DAXX: variants seen among roughly 807,000 people sequenced by gnomAD.
DAXX encodes death domain-associated protein 6.
A neutral mutation model predicts 61.9 loss-of-function variants in DAXX; 24 were observed. The ratio of observed to expected loss-of-function variants is 0.39; its 90% CI spans 0.28 to 0.55. The LOEUF (loss-of-function observed/expected upper bound fraction) is 0.55, where lower values mean the gene tolerates loss of function less well. Among genes scored for constraint, DAXX ranks in the 20% least tolerant of loss-of-function variants. DAXX has a pLI of 0.69. For synonymous variants in DAXX, 357 were observed against 369.5 expected, an observed-to-expected ratio of 0.97 and a Z score of 0.39; for missense variants, 819 against 935.3, an observed-to-expected ratio of 0.88 and a Z score of 1.62.
At chr6:33,322,822 C>G in intron 1 of DAXX, 40 bp downstream of exon 1, 4 of 995,460 alleles carry the variant, frequency 4.0e-6, no homozygotes, top group Non-Finnish European at 6.0e-6. Flanking sequence ...CCTCTATATC[C>G]CCGCCCCCGC....
In DAXX at chr6:33,318,638, C is replaced by A. The variant is rs1224326878; in HGVS notation, c.*105G>T. ...TTTTTTTTTTTTTAAAGAAACACCACCAAAAGGGGATTAGCTTAGTCCATC... is the reference window on the plus strand; with the variant it reads ...TTTTTTTTTTTTTAAAGAAACACCAACAAAAGGGGATTAGCTTAGTCCATC... On this transcript the variant is annotated 3_prime_UTR_variant, in exon 8 of 8. Coordinates refer to ENST00000374542, the MANE Select transcript of DAXX (RefSeq NM_001141969.2). The A allele has an allele frequency of 4.2e-6, 2 of 477,402 alleles. No homozygotes were observed. Among genetic ancestry groups the A allele is most frequent in the South Asian group, 5.4e-5 (1 of 18,412 alleles). The allele number at this position is 477,402 out of a possible 1,614,324, so 29.6% of individuals were successfully genotyped here.
chr6:33,319,899 G>GA (rs758034267), intron 5 of DAXX, 45 bp from the exon 6 acceptor site: 4 of 1,593,138 alleles, frequency 2.5e-6, no homozygotes, highest in East Asian at 4.5e-5. Flanking sequence ...GAATGAGGGG[G>GA]AAAAAATACT....
chr6:33,322,678 G>C, intron 1 of DAXX, 184 bp downstream of exon 1: 1 of 368,724 alleles, frequency 2.7e-6, no homozygotes, highest in Non-Finnish European at 5.3e-6. Context: ...GGGTCCGGCC[G>C]GTCCGCTAGA....
intron 1 of DAXX, among the ~76,000 whole-genome samples, chr6:33,322,390 C>A (rs1162859593): frequency 6.6e-6 from 1 of 152,034 alleles, no homozygotes; most frequent in Non-Finnish European, 1.5e-5. Flanking sequence ...AACCCCACAC[C>A]CACCCTATCC....
In DAXX at chr6:33,320,889, C is replaced by T. The variant is rs2150994549; in HGVS notation, c.886G>A (p.Ala296Thr). The T allele has an allele frequency of 6.2e-7, 1 of 1,614,202 alleles. No homozygotes were observed. Among genetic ancestry groups the T allele is most frequent in the Non-Finnish European group, 8.5e-7 (1 of 1,180,012 alleles). ...YGDVLRAVEK[A>T]AARHSLGLPR... ...AGGCCAAGGCTGTGTCGGGCAGCTG[C>T]CTTCTCTACAGCCCGAAGCACATCC... is the stretch of plus-strand genomic sequence containing the variant. The change falls in exon 3 of 8, where the codon GCA (alanine) becomes ACA (threonine). Residue 296 changes from alanine (A) to threonine (T), a missense_variant. Ala to Thr is a moderately conservative substitution (Grantham distance 58). Coordinates refer to ENST00000374542, the MANE Select transcript of DAXX (RefSeq NM_001141969.2). The surrounding 1 kb of genome is among the most constrained non-coding windows in gnomAD (Gnocchi z 7.1).
At position 33,321,753 on chromosome 6, in the gene DAXX, C is replaced by T. The variant is rs780458669; in HGVS notation, c.173G>A (p.Cys58Tyr). Reference protein sequence around the residue: ...RGSSSSGGKKCYKLENEKLFE... With the variant: ...RGSSSSGGKKYYKLENEKLFE... ...CAGCTTCTCATTCTCCAGCTTGTAG[C>T]ATTTCTTGCCGCCCGAACTACTGCT... Residue 58 changes from cysteine (C) to tyrosine (Y), a missense_variant, in exon 2 of 8, where the codon TGC (cysteine) becomes TAC (tyrosine). Coordinates refer to ENST00000374542, the MANE Select transcript of DAXX (RefSeq NM_001141969.2). This position sits in a 1 kb window ranked among gnomAD's most constrained non-coding sequence, Gnocchi z 7.2. The T allele has an allele frequency of 6.2e-7, 1 of 1,613,452 alleles. No homozygotes were observed. The highest frequency in any genetic ancestry group is 8.5e-7 in the Non-Finnish European group (1 of 1,179,870).
At position 33,321,430 on chromosome 6, in the gene DAXX, C is replaced by G. The variant is rs1770601179; in HGVS notation, c.345G>C (p.Arg115=). 1 of 1,613,834 alleles carries G rather than the reference C, an allele frequency of 6.2e-7. No individual in the cohort carries two copies. The change falls in exon 3 of 8, where the codon CGG becomes CGC. Residue 115 remains arginine, a synonymous_variant. Coordinates refer to ENST00000374542, the MANE Select transcript of DAXX (RefSeq NM_001141969.2). The surrounding 1 kb of genome is among the most constrained non-coding windows in gnomAD (Gnocchi z 7.2). ...FCNILSRVLS[R]ARSRPAKLYV... ...AGAGCTTGGCTGGCCGGCTCCGGGC[C>G]CGAGACAGGACCCTAGAGAGGATGT... is the stretch of plus-strand genomic sequence containing the variant.
Position 33,322,893 on chromosome 6 carries a change from C to T in DAXX, c.-84G>A, listed in dbSNP as rs766488565. On this transcript the variant is annotated 5_prime_UTR_variant, in exon 1 of 8. Coordinates refer to ENST00000374542, the MANE Select transcript of DAXX (RefSeq NM_001141969.2). ...AACCGTCTCTCGAGGCGACCCTCGC[C>T]GCAATTCTCAGAACCTCGCATGGTT... 4.5e-5 allele frequency: 65 copies of T among 1,442,766 alleles called. No homozygotes were observed. The highest frequency in any genetic ancestry group is 4.1e-4 in the South Asian group (36 of 88,654). The allele number at this position is 1,442,766 out of a possible 1,614,324, so 89.4% of individuals were successfully genotyped here. A position where few individuals can be genotyped will look rare whatever the true frequency, so the allele number is the denominator to read the frequency against.
rs755784520 is a variant in DAXX at position 33,319,031 on chromosome 6, G to A, written c.2129C>T (p.Pro710Leu). Residue 710 changes from proline (P) to leucine (L), a missense_variant, in exon 7 of 8, where the codon CCC becomes CTC. Coordinates refer to ENST00000374542, the MANE Select transcript of DAXX (RefSeq NM_001141969.2). Reference sequence around the variant, plus strand: ...ACCAGGCCGAGGAGGCTGTGAATGGGGGGTTTGGGACAGCCGGGCTGGAGA... The same window carrying A: ...ACCAGGCCGAGGAGGCTGTGAATGGAGGGTTTGGGACAGCCGGGCTGGAGA... ...IPSPARLSQTPHSQPPRPGTC... is the reference protein window; with the variant it reads ...IPSPARLSQTLHSQPPRPGTC... 1 of 1,613,706 alleles carries A rather than the reference G, an allele frequency of 6.2e-7. No individual in the cohort carries two copies. Among genetic ancestry groups the A allele is most frequent in the Non-Finnish European group, 8.5e-7 (1 of 1,180,006 alleles).
intron 7 of DAXX, 33 bp from the exon 8 acceptor site, chr6:33,318,835 G>T: frequency 1.5e-6 from 2 of 1,377,924 alleles, no homozygotes; most frequent in Non-Finnish European, 2.0e-6. Context: ...GAGTCAAAGA[G>T]ATCTGGAGTA....
At chr6:33,322,711 T>A in intron 1 of DAXX, 151 bp downstream of exon 1, 5 of 151,372 alleles carry the variant, frequency 3.3e-5, no homozygotes, top group East Asian at 1.5e-4. Flanking sequence ...CAAATCCCCC[T>A]CCCCCAGTTC....
intron 1 of DAXX, chr6:33,322,650 C>A (rs939558131): frequency 1.9e-5 from 7 of 367,332 alleles, no homozygotes; most frequent in Non-Finnish European, 3.2e-5. Flanking sequence ...CTCGCGATTC[C>A]TCTTAGATCC....
rs759329871 is a variant in DAXX, at chr6:33,320,719, T to A, written c.1039+17A>T. 6.2e-7 allele frequency: 1 copy of A among 1,611,644 alleles called. No individual in the cohort carries two copies. The highest frequency in any genetic ancestry group is 8.5e-7 in the Non-Finnish European group (1 of 1,177,940). On this transcript the variant is annotated intron_variant, in intron 3 of 7. Coordinates refer to ENST00000374542, the MANE Select transcript of DAXX (RefSeq NM_001141969.2). The surrounding 1 kb of genome is among the most constrained non-coding windows in gnomAD (Gnocchi z 7.1). ...GACATATAAGGGTCACTGAGAGGCA[T>A]CCCACCAACCCCCTACCTGGCCTAT... is the stretch of plus-strand genomic sequence containing the variant.
Position 33,319,013 on chromosome 6 carries a change from C to A in DAXX, c.2147G>T (p.Arg716Leu), listed in dbSNP as rs752093917. 3 of 1,612,968 alleles carry A rather than the reference C, an allele frequency of 1.9e-6. No individual in the cohort carries two copies. The highest frequency in any genetic ancestry group is 2.5e-6 in the Non-Finnish European group (3 of 1,179,840). Residue 716 changes from arginine (R) to leucine (L), a missense_variant, in exon 7 of 8, where the codon CGG becomes CTG. Coordinates refer to ENST00000374542, the MANE Select transcript of DAXX (RefSeq NM_001141969.2). ...CCTTCTTACCTTGCAAGTACCAGGCCGAGGAGGCTGTGAATGGGGGGTTTG... is the reference window on the plus strand; with the variant it reads ...CCTTCTTACCTTGCAAGTACCAGGCAGAGGAGGCTGTGAATGGGGGGTTTG... ...LSQTPHSQPP[R>L]PGTCKTSVAT... is the part of the protein sequence containing the mutation.
Position 33,320,519 on chromosome 6 carries a change from C to A in DAXX, c.1112G>T (p.Arg371Leu). 2 of 1,613,900 alleles carry A rather than the reference C, an allele frequency of 1.2e-6. No individual in the cohort carries two copies. The highest frequency in any genetic ancestry group is 8.5e-7 in the Non-Finnish European group (1 of 1,179,870). Reference protein sequence around the residue: ...LRENRSLAMSRLDEVISKYAM... With the variant: ...LRENRSLAMSLLDEVISKYAM... Reference sequence around the variant, plus strand: ...ATATTTGGAGATGACCTCATCCAGCCGACTCATGGCCAAACTCCGGTTTTC... The same window carrying A: ...ATATTTGGAGATGACCTCATCCAGCAGACTCATGGCCAAACTCCGGTTTTC... Residue 371 changes from arginine (R) to leucine (L), a missense_variant, in exon 4 of 8, where the codon CGG becomes CTG. Transcript: ENST00000374542. The surrounding 1 kb of genome is among the most constrained non-coding windows in gnomAD (Gnocchi z 7.1).
Position 33,319,695 on chromosome 6 carries a change from C to T in DAXX, c.1625G>A (p.Ser542Asn), listed in dbSNP as rs2150989432. 6.2e-7 allele frequency: 1 copy of T among 1,614,202 alleles called. No homozygotes were observed. The highest frequency in any genetic ancestry group is 8.5e-7 in the Non-Finnish European group (1 of 1,180,032). ...LLSEEPLAPS[S>N]IDAESNGEQP... ...TTCTCCATTGCTTTCAGCATCTATGCTGGAGGGGGCCAGGGGTTCTTCTGA... is the reference window on the plus strand; with the variant it reads ...TTCTCCATTGCTTTCAGCATCTATGTTGGAGGGGGCCAGGGGTTCTTCTGA... The change falls in exon 6 of 8, where the codon AGC becomes AAC. Residue 542 changes from serine to asparagine, a missense_variant. Transcript: ENST00000374542.
At position 33,321,406 on chromosome 6, in the gene DAXX, G is replaced by T. The variant is rs142969892; in HGVS notation, c.369C>A (p.Leu123=). Residue 123 remains leucine (L), a synonymous_variant, in exon 3 of 8, where the codon CTC becomes CTA. Coordinates refer to ENST00000374542, the MANE Select transcript of DAXX (RefSeq NM_001141969.2). The surrounding 1 kb of genome is among the most constrained non-coding windows in gnomAD (Gnocchi z 7.2). The part of the protein sequence containing the change: ...LSRARSRPAK[L]YVYINELCTV... ...TGCAGAGCTCATTGATGTAGACATA[G>T]AGCTTGGCTGGCCGGCTCCGGGCCC... The T allele has an allele frequency of 1.8e-4, 287 of 1,614,130 alleles. 3 individuals are homozygous for T. In the African/African-American group the frequency reaches 3.2e-3, roughly 18 times the overall value.
chr6:33,318,869 T>G, intron 7 of DAXX, 67 bp from the exon 8 acceptor site: 1 of 1,254,430 alleles, frequency 8.0e-7, no homozygotes, highest in Non-Finnish European at 1.1e-6. Flanking sequence ...ACAGGAGGAT[T>G]TAGAGGATAA....
chr6:33,319,787 G>A lies in DAXX; in HGVS notation c.1533C>T (p.Gly511=), dbSNP rs2150989836. 5 of 1,614,190 alleles carry A rather than the reference G, an allele frequency of 3.1e-6. No homozygotes were observed. The highest frequency in any genetic ancestry group is 4.2e-6 in the Non-Finnish European group (5 of 1,180,030). ...QISNEKNLEP[G]KQISRSSGEQ... ...CCCCTGAAGATCTGCTGATCTGTTT[G>A]CCAGGTTCCAGGTTCTTTTCATTGG... The change falls in exon 6 of 8, where the codon GGC becomes GGT. Residue 511 remains glycine, a synonymous_variant. Transcript: ENST00000374542.
Sources: gnomAD v4.1 joint callset for allele counts (sites outside exome capture counted in the v4.1 genomes callset) on GRCh38, gnomAD v4.1.1 for gene constraint, Gnocchi (gnomAD v3.1) non-coding constraint, MANE v1.5 for transcripts, NCBI Gene and HGNC (gene_info 2026-07-23, HGNC 2026-07-21) for gene names.